The following JAKMIP2 variants were observed in gnomAD, a reference collection of about 807,000 sequenced individuals.
The protein encoded by JAKMIP2 is janus kinase and microtubule interacting protein 2.
A neutral mutation model predicts 115.0 loss-of-function variants in JAKMIP2; 25 were observed. The observed-to-expected ratio is 0.22, with a 90% CI of 0.16 to 0.30. The LOEUF is 0.30. JAKMIP2 is among the 10% of genes least tolerant of loss of function. JAKMIP2 has a pLI of 1.00. For missense variants in JAKMIP2, 642 were observed against 957.6 expected (o/e 0.67, Z 4.35); for synonymous variants, 334 against 343.6 (o/e 0.97, Z 0.31).
chr5:147,700,836 T>C (rs1752297242), intron 1 of JAKMIP2, among the ~76,000 whole-genome samples: 2 of 152,298 alleles, frequency 1.3e-5, no homozygotes, highest in South Asian at 4.1e-4. Flanking sequence ...AATATAGAAT[T>C]TTTGTAACAT....
intron 1 of JAKMIP2, among the ~76,000 whole-genome samples, chr5:147,721,555 GCCGTTTTTTAAGCC>G (rs959261706): frequency 5.9e-5 from 9 of 152,186 alleles, no homozygotes; most frequent in African/African-American, 1.7e-4. Context: ...CTCGTGGTGC[GCCGTTTTTTAAGCC>G]CGTCGGAAAA....
chr5:147,700,037 A>G (rs556010829), intron 1 of JAKMIP2, among the ~76,000 whole-genome samples: 2 of 152,338 alleles, frequency 1.3e-5, no homozygotes, highest in Admixed American at 1.3e-4. Context: ...ATGATCAAAG[A>G]GAAGCAAATT....
intron 1 of JAKMIP2, among the ~76,000 whole-genome samples, chr5:147,758,795 G>A (rs938567861): frequency 3.3e-5 from 5 of 152,088 alleles, no homozygotes; most frequent in South Asian, 2.1e-4. Flanking sequence ...ATACATAAAC[G>A]TATCATATAT....
chr5:147,588,706 C>A lies in JAKMIP2; in HGVS notation c.*3001G>T, dbSNP rs1754979772. On this transcript the variant is annotated 3_prime_UTR_variant, in exon 22 of 22. Coordinates refer to ENST00000616793, the MANE Select transcript of JAKMIP2 (RefSeq NM_001270941.2). Reference sequence around the variant, plus strand: ...ATCTTAAGCAAAAAGAAAAAACAAGCAAACCTTTTGCCTGGCCCTAAACAC... The same window carrying A: ...ATCTTAAGCAAAAAGAAAAAACAAGAAAACCTTTTGCCTGGCCCTAAACAC... The A allele has an allele frequency of 6.6e-6, 1 of 152,104 alleles. No homozygotes were observed. The highest frequency in any genetic ancestry group is 1.5e-5 in the Non-Finnish European group (1 of 68,012). The allele number at this position is 152,104 out of a possible 1,614,324, so 9.4% of individuals were successfully genotyped here.
At chr5:147,699,337 T>C (rs1447053819) in intron 1 of JAKMIP2, among the ~76,000 whole-genome samples, 2 of 152,096 alleles carry the variant, frequency 1.3e-5, no homozygotes, top group Non-Finnish European at 2.9e-5. Flanking sequence ...TAAGACAGAA[T>C]CAGGCTCTAG....
At chr5:147,644,285 T>A (rs561985563) in intron 6 of JAKMIP2, 87 bp from the exon 7 acceptor site, 5 of 1,301,554 alleles carry the variant, frequency 3.8e-6, no homozygotes, top group Admixed American at 2.4e-5. Context: ...AGAAAGTTTA[T>A]GAGGCTCCAG....
intron 1 of JAKMIP2, among the ~76,000 whole-genome samples, chr5:147,765,034 A>AAAGGGAGACAGAGAGAGAG (rs1755104697): frequency 3.4e-5 from 2 of 58,818 alleles, no homozygotes; most frequent in Non-Finnish European, 3.8e-5. Context: ...GAGAGAGAGA[A>AAAGGGAGACAGAGAGAGAG]AGAAAGAAAG....
At chr5:147,665,394 A>G (rs911814335) in intron 2 of JAKMIP2, among the ~76,000 whole-genome samples, 2 of 152,238 alleles carry the variant, frequency 1.3e-5, no homozygotes, top group African/African-American at 4.8e-5. Context: ...AGAAACTACG[A>G]CAATTTACCT....
chr5:147,696,883 C>A (rs1048346546), intron 1 of JAKMIP2, among the ~76,000 whole-genome samples: 26 of 152,132 alleles, frequency 1.7e-4, no homozygotes, highest in Non-Finnish European at 2.9e-5. Context: ...TTTGCCCCTG[C>A]CCTAGAGATC....
intron 1 of JAKMIP2, among the ~76,000 whole-genome samples, chr5:147,777,780 A>G (rs563534547): frequency 6.6e-6 from 1 of 152,228 alleles, no homozygotes; most frequent in African/African-American, 2.4e-5. Context: ...AGACGCCATG[A>G]TTTTCTATTT....
chr5:147,781,110 A>G (rs1755741005), intron 1 of JAKMIP2, among the ~76,000 whole-genome samples: 2 of 152,164 alleles, frequency 1.3e-5, no homozygotes, highest in Admixed American at 6.5e-5. Context: ...CCCCCATTTC[A>G]GCTACAAGCC....
chr5:147,741,877 T>G (rs1205692471), intron 1 of JAKMIP2, among the ~76,000 whole-genome samples: 1 of 151,990 alleles, frequency 6.6e-6, no homozygotes, highest in East Asian at 1.9e-4. Context: ...CTCCATTTGC[T>G]GCTCTATGTC....
chr5:147,704,844 C>A (rs776404584), intron 1 of JAKMIP2, among the ~76,000 whole-genome samples: 3 of 152,076 alleles, frequency 2.0e-5, no homozygotes, highest in Non-Finnish European at 4.4e-5. Flanking sequence ...CAAAGAAGCA[C>A]TTTATTTGAC....
rs1754989584 is a variant in JAKMIP2 at position 147,588,878 on chromosome 5, C to T, written c.*2829G>A. On this transcript the variant is annotated 3_prime_UTR_variant, in exon 22 of 22. Coordinates refer to ENST00000616793, the MANE Select transcript of JAKMIP2 (RefSeq NM_001270941.2). ...ACTCATGGAAATAAATTTTGACTTA[C>T]AAATTTCTTGGTGGGTGGGAAAGCA... is the stretch of plus-strand genomic sequence containing the variant. 1 of 151,946 alleles carries T rather than the reference C, an allele frequency of 6.6e-6. No homozygotes were observed. The highest frequency in any genetic ancestry group is 1.5e-5 in the Non-Finnish European group (1 of 67,984). The allele number at this position is 151,946 out of a possible 1,614,324, so 9.4% of individuals were successfully genotyped here.
intron 1 of JAKMIP2, among the ~76,000 whole-genome samples, chr5:147,711,542 C>T (rs1440396742): frequency 1.3e-5 from 2 of 152,150 alleles, no homozygotes; most frequent in Non-Finnish European, 1.5e-5. Flanking sequence ...TGGGGGCAAC[C>T]TAATTTTATT....
At chr5:147,746,561 T>G (rs1013508587) in intron 1 of JAKMIP2, among the ~76,000 whole-genome samples, 11 of 151,810 alleles carry the variant, frequency 7.2e-5, no homozygotes, top group African/African-American at 2.4e-4. Flanking sequence ...TTATATATCA[T>G]TTATCATGGA....
chr5:147,758,773 C>A (rs947216825), intron 1 of JAKMIP2, among the ~76,000 whole-genome samples: 5 of 152,118 alleles, frequency 3.3e-5, no homozygotes, highest in African/African-American at 1.2e-4. Flanking sequence ...ACAATGAAAT[C>A]CCCACTAGAA....
chr5:147,699,174 G>A (rs1752228125), intron 1 of JAKMIP2, among the ~76,000 whole-genome samples: 1 of 152,194 alleles, frequency 6.6e-6, no homozygotes, highest in African/African-American at 2.4e-5. Context: ...GAAATGTAGG[G>A]TAAAGAAAAT....
chr5:147,614,915 T>G (rs1173972775), intron 19 of JAKMIP2, among the ~76,000 whole-genome samples: 1 of 152,200 alleles, frequency 6.6e-6, no homozygotes, highest in Non-Finnish European at 1.5e-5. Flanking sequence ...CCAAGATCTT[T>G]GTGTGGCTCA....
Sources: allele counts gnomAD v4.1 joint callset (sites outside exome capture counted in the v4.1 genomes callset), GRCh38; gene constraint gnomAD v4.1.1; transcripts MANE v1.5; gene names NCBI Gene and HGNC (gene_info 2026-07-23, HGNC 2026-07-21).